The following CREB5 variants were observed in gnomAD, a reference collection of about 807,000 sequenced individuals.
CREB5 encodes cyclic AMP-responsive element-binding protein 5.
In CREB5, 19 loss-of-function variants were observed where a neutral mutation model predicts 57.1. That is an observed-to-expected ratio of 0.33 (90% CI 0.23 to 0.49). CREB5 has a LOEUF of 0.49. Among genes scored for constraint, CREB5 ranks in the 20% least tolerant of loss-of-function variants. CREB5 has a pLI of 0.99. For synonymous variants in CREB5, 238 were observed against 238.3 expected (o/e 1.00, Z 0.01); for missense variants, 579 against 671.6 (o/e 0.86, Z 1.52).
intron 7 of CREB5, among the ~76,000 whole-genome samples, chr7:28,792,094 C>T (rs1807748229): frequency 6.6e-6 from 1 of 152,120 alleles, no homozygotes; most frequent in Non-Finnish European, 1.5e-5. Flanking sequence ...CACTTGAGGC[C>T]AGGGGTTCGA....
intron 5 of CREB5, among the ~76,000 whole-genome samples, chr7:28,640,814 G>C (rs1798628534): frequency 6.6e-6 from 1 of 152,170 alleles, no homozygotes; most frequent in African/African-American, 2.4e-5. Context: ...CTTCCCTAGA[G>C]TACTGAGGGA....
chr7:28,665,383 T>C (rs965001848), intron 5 of CREB5, among the ~76,000 whole-genome samples: 2 of 152,092 alleles, frequency 1.3e-5, no homozygotes, highest in Non-Finnish European at 2.9e-5. Flanking sequence ...CTCCCTTCCT[T>C]CCTCCCCCAA....
At chr7:28,649,408 C>T (rs545781889) in intron 5 of CREB5, among the ~76,000 whole-genome samples, 2 of 152,362 alleles carry the variant, frequency 1.3e-5, no homozygotes, top group East Asian at 3.9e-4. Flanking sequence ...TATTGGAACA[C>T]AGCCCCATCC....
At chr7:28,666,592 G>T (rs1462656385) in intron 5 of CREB5, among the ~76,000 whole-genome samples, 1 of 152,000 alleles carries the variant, frequency 6.6e-6, no homozygotes, top group African/African-American at 2.4e-5. Flanking sequence ...ATAGCCCAAA[G>T]AAAGGGAAGA....
chr7:28,671,043 C>T (rs942368343), intron 5 of CREB5, among the ~76,000 whole-genome samples: 2 of 151,894 alleles, frequency 1.3e-5, no homozygotes, highest in Non-Finnish European at 2.9e-5. Flanking sequence ...GCGGGAGGAT[C>T]GCTTGAGGCA....
intron 1 of CREB5, among the ~76,000 whole-genome samples, chr7:28,368,754 T>C (rs943399268): frequency 6.6e-6 from 1 of 152,242 alleles, no homozygotes; most frequent in Non-Finnish European, 1.5e-5. Flanking sequence ...CTACTAGAAA[T>C]TGATTATATT....
intron 4 of CREB5, among the ~76,000 whole-genome samples, chr7:28,546,095 A>G (rs1046099558): frequency 7.9e-5 from 12 of 152,174 alleles, no homozygotes; most frequent in African/African-American, 2.2e-4. Context: ...TTCTGTATCC[A>G]TGGATTTGCC....
At chr7:28,353,194 A>G (rs546646243) in intron 1 of CREB5, among the ~76,000 whole-genome samples, 1 of 152,214 alleles carries the variant, frequency 6.6e-6, no homozygotes, top group South Asian at 2.1e-4. Flanking sequence ...GGTTCAAGTG[A>G]TTGTCCTGCC....
At chr7:28,666,719 C>T (rs1799839579) in intron 5 of CREB5, among the ~76,000 whole-genome samples, 1 of 151,874 alleles carries the variant, frequency 6.6e-6, no homozygotes, top group African/African-American at 2.4e-5. Context: ...TGCAACTACT[C>T]AGGAGGCCCA....
At chr7:28,365,119 A>T (rs995779305) in intron 1 of CREB5, among the ~76,000 whole-genome samples, 1 of 152,110 alleles carries the variant, frequency 6.6e-6, no homozygotes, top group South Asian at 2.1e-4. Flanking sequence ...CACGAATTGC[A>T]TCTCCTCTAG....
intron 5 of CREB5, among the ~76,000 whole-genome samples, chr7:28,704,439 G>A (rs73075734): frequency 0.057 from 8,703 of 151,924 alleles, 364 homozygotes; most frequent in Middle Eastern, 0.13. Flanking sequence ...TTTAACTGAC[G>A]TGTTGCTTCC....
At chr7:28,676,279 C>T (rs929085045) in intron 5 of CREB5, among the ~76,000 whole-genome samples, 8 of 152,304 alleles carry the variant, frequency 5.3e-5, no homozygotes, top group African/African-American at 1.7e-4. Context: ...AGACATTCGG[C>T]ACCTATCAAG....
chr7:28,687,741 G>T (rs374132936), intron 5 of CREB5, among the ~76,000 whole-genome samples: 199 of 152,086 alleles, frequency 1.3e-3, no homozygotes, highest in African/African-American at 4.6e-3. Context: ...ATGACTTTAT[G>T]GATCTTCTCT....
chr7:28,762,342 C>T (rs1805707348), intron 7 of CREB5, among the ~76,000 whole-genome samples: 2 of 152,130 alleles, frequency 1.3e-5, no homozygotes, highest in Non-Finnish European at 2.9e-5. Context: ...TTTCAGGTTA[C>T]ATTACTTTTA....
chr7:28,756,700 C>G (rs935890446), intron 7 of CREB5, among the ~76,000 whole-genome samples: 30 of 152,102 alleles, frequency 2.0e-4, no homozygotes, highest in African/African-American at 6.3e-4. Flanking sequence ...CCATGACTAC[C>G]ACTGGTGCTC....
Position 28,412,680 on chromosome 7 carries a change from A to T in CREB5, c.-235A>T, listed in dbSNP as rs1787852594. The stretch of plus-strand genomic sequence containing the variant: ...AAGAAACTTAGAGAACGAGGGAGGT[A>T]CCAGAGTCTAGGAGGTACCTCTGGG... On this transcript the variant is annotated 5_prime_UTR_variant, in exon 1 of 11. Coordinates refer to ENST00000357727, the MANE Select transcript of CREB5 (RefSeq NM_182898.4). The T allele has an allele frequency of 2.6e-6, 1 of 382,910 alleles. No homozygotes were observed. Among genetic ancestry groups the T allele is most frequent in the South Asian group, 1.4e-4 (1 of 7,098 alleles). The allele number at this position is 382,910 out of a possible 1,614,324, so 23.7% of individuals were successfully genotyped here.
intron 1 of CREB5, among the ~76,000 whole-genome samples, chr7:28,357,700 T>C (rs999041901): frequency 1.3e-5 from 2 of 152,122 alleles, no homozygotes; most frequent in Non-Finnish European, 1.5e-5. Flanking sequence ...GAACACGGAG[T>C]ATATGCATTG....
intron 1 of CREB5, among the ~76,000 whole-genome samples, chr7:28,323,928 G>A (rs544550499): frequency 6.6e-6 from 1 of 152,238 alleles, no homozygotes; most frequent in South Asian, 2.1e-4. Flanking sequence ...GTTTCATAAG[G>A]AGGATGCAAC....
intron 5 of CREB5, among the ~76,000 whole-genome samples, chr7:28,658,449 G>A (rs1799422678): frequency 6.6e-6 from 1 of 152,218 alleles, no homozygotes; most frequent in Admixed American, 6.5e-5. Flanking sequence ...GCAGGCTGGA[G>A]ATGCTTAACA....
Sources: gnomAD v4.1 joint callset for allele counts (sites outside exome capture counted in the v4.1 genomes callset) on GRCh38, gnomAD v4.1.1 for gene constraint, MANE v1.5 for transcripts, NCBI Gene and HGNC (gene_info 2026-07-23, HGNC 2026-07-21) for gene names.